LPCAT3: variants seen among roughly 807,000 people sequenced by gnomAD.
The protein encoded by LPCAT3 is lysophosphatidylcholine acyltransferase 3.
In LPCAT3, 21 loss-of-function variants were observed where a neutral mutation model predicts 63.4. The ratio of observed to expected loss-of-function variants is 0.33; its 90% confidence interval spans 0.23 to 0.48. The LOEUF is 0.48. LPCAT3 is among the 20% of genes least tolerant of loss of function. LPCAT3 has a pLI of 0.99. For synonymous variants in LPCAT3, 242 were observed against 227.5 expected, an observed-to-expected ratio of 1.06 and a Z score of -0.58; for missense variants, 451 against 590.6, an observed-to-expected ratio of 0.76 and a Z score of 2.45.
At chr12:6,982,479 G>A (rs944633741) in intron 3 of LPCAT3, among the ~76,000 whole-genome samples, 197 bp downstream of exon 3, 1 of 152,166 alleles carries the variant, frequency 6.6e-6, no homozygotes, top group Non-Finnish European at 1.5e-5. Flanking sequence ...CTTGAGGCAG[G>A]CAAAGAGTTA....
intron 1 of LPCAT3, among the ~76,000 whole-genome samples, chr12:7,013,074 T>C (rs1178125147): frequency 6.6e-6 from 1 of 152,226 alleles, no homozygotes; most frequent in Non-Finnish European, 1.5e-5. Flanking sequence ...GTGTAATATA[T>C]ACTTGGAAGG....
chr12:6,986,179 G>A (rs1242822940), intron 1 of LPCAT3, among the ~76,000 whole-genome samples: 1 of 152,028 alleles, frequency 6.6e-6, no homozygotes, highest in East Asian at 1.9e-4. Flanking sequence ...ATTTTGAACA[G>A]CAAGGGTCCC....
At chr12:6,978,780 CT>C (rs1210080293) in intron 7 of LPCAT3, 91 bp from the exon 8 acceptor site, 1 of 1,548,912 alleles carries the variant, frequency 6.5e-7, no homozygotes, top group East Asian at 2.3e-5. Flanking sequence ...TGGCTGGCTA[CT>C]TCATACCTGC....
At chr12:6,983,368 G>T in intron 2 of LPCAT3, 64 bp downstream of exon 2, 2 of 1,090,396 alleles carry the variant, frequency 1.8e-6, no homozygotes, top group Non-Finnish European at 2.8e-6. Flanking sequence ...AGGAAATTTT[G>T]TTCAAGTCTG....
chr12:7,007,473 G>A (rs1946733737), intron 1 of LPCAT3, among the ~76,000 whole-genome samples: 1 of 149,928 alleles, frequency 6.7e-6, no homozygotes, highest in Admixed American at 6.7e-5. Flanking sequence ...GTACTGACAA[G>A]CATCTTTAAT....
rs1411785263 is a variant in LPCAT3, at chr12:6,985,647, A to G, written c.152-2108T>C. 5.4e-3 allele frequency among the ~76,000 whole-genome samples: 817 copies of G among 150,674 alleles called. 8 individuals are homozygous for G. The highest frequency in any genetic ancestry group is 0.019 in the African/African-American group (767 of 41,030). On this transcript the variant is annotated intron_variant, in intron 1 of 12. Coordinates refer to ENST00000261407, the MANE Select transcript of LPCAT3 (RefSeq NM_005768.6). Reference sequence around the variant, plus strand: ...GGAGAATCACTTGAACCTGGGAGGCAGAGTTTGCAGTGAGCTGAGATCGTG... The same window carrying G: ...GGAGAATCACTTGAACCTGGGAGGCGGAGTTTGCAGTGAGCTGAGATCGTG...
intron 1 of LPCAT3, among the ~76,000 whole-genome samples, chr12:7,011,647 CAAAAAAAAAAAA>C (rs1177972639): frequency 6.1e-4 from 46 of 75,728 alleles, no homozygotes; most frequent in Middle Eastern, 5.9e-3. Flanking sequence ...CACCATGTCT[CAAAAAAAAAAAA>C]AAAAAAAAAG....
chr12:7,015,617 A>G (rs1302409185), intron 1 of LPCAT3, among the ~76,000 whole-genome samples: 2 of 152,240 alleles, frequency 1.3e-5, no homozygotes, highest in Non-Finnish European at 2.9e-5. Context: ...ATGATGAGCT[A>G]TACCTGATAG....
At chr12:7,007,783 C>T (rs962624440) in intron 1 of LPCAT3, among the ~76,000 whole-genome samples, 4 of 152,202 alleles carry the variant, frequency 2.6e-5, no homozygotes, top group African/African-American at 9.6e-5. Context: ...GCATGAGCCA[C>T]TGTGCCCGGC....
In LPCAT3 at chr12:6,990,901, A is replaced by G. The variant is rs1369133091; in HGVS notation, c.152-7362T>C. The stretch of plus-strand genomic sequence containing the variant: ...CACTGTGCTCCAGACTAGGCAACAG[A>G]GCGAGACTCCAAATCAAAAAAAAAA... On this transcript the variant is annotated intron_variant, in intron 1 of 12. Transcript: ENST00000261407. Among the ~76,000 whole-genome samples, 16 of 143,654 alleles carry G rather than the reference A, an allele frequency of 1.1e-4. 1 individual carries two copies. The highest frequency in any genetic ancestry group is 9.7e-4 in the Admixed American group (14 of 14,362). The allele number at this position is 143,654 out of a possible 152,430, so 94.2% of individuals were successfully genotyped here.
chr12:6,979,434 G>T, intron 7 of LPCAT3, 37 bp downstream of exon 7: 1 of 1,444,238 alleles, frequency 6.9e-7, no homozygotes, highest in Non-Finnish European at 9.7e-7. Flanking sequence ...TCTAGCTCTG[G>T]TGCAGTCATG....
At chr12:7,007,137 G>A (rs781791183) in intron 1 of LPCAT3, among the ~76,000 whole-genome samples, 399 of 151,240 alleles carry the variant, frequency 2.6e-3, no homozygotes, top group African/African-American at 9.2e-3. Context: ...TCTGCCTCCC[G>A]GGTTCAAGTG....
At chr12:6,985,269 G>A (rs1193949402) in intron 1 of LPCAT3, among the ~76,000 whole-genome samples, 2 of 151,866 alleles carry the variant, frequency 1.3e-5, no homozygotes, top group Admixed American at 6.6e-5. Flanking sequence ...GGTGGCGGGC[G>A]CCTATAGTCC....
At chr12:7,014,607 G>A (rs1185897502) in intron 1 of LPCAT3, among the ~76,000 whole-genome samples, 3 of 151,616 alleles carry the variant, frequency 2.0e-5, no homozygotes, top group Non-Finnish European at 4.4e-5. Context: ...CCTCGGCTGG[G>A]CGCGGTGGCT....
chr12:7,017,385 C>T lies in LPCAT3; in HGVS notation c.151+889G>A, dbSNP rs1347692436. Among the ~76,000 whole-genome samples, 10 of 152,232 alleles carry T rather than the reference C, an allele frequency of 6.6e-5. No homozygotes were observed. Among genetic ancestry groups the T allele is most frequent in the African/African-American group, 2.2e-4 (9 of 41,534 alleles). On this transcript the variant is annotated intron_variant, in intron 1 of 12. Coordinates refer to ENST00000261407, the MANE Select transcript of LPCAT3 (RefSeq NM_005768.6). The surrounding 1 kb of genome is among the most constrained non-coding windows in gnomAD (Gnocchi z 4.1). ...ATTTCATAGATAAGGAAATTAGGCC[C>T]AGAGGGTTTTGCGGCCTGCGTAGGG...
chr12:7,001,453 A>C, intron 1 of LPCAT3: 1 of 456,092 alleles, frequency 2.2e-6, no homozygotes, highest in South Asian at 1.5e-5. Flanking sequence ...CTACTGCCAG[A>C]ATTCTGCGGG....
rs946553633 is a variant in LPCAT3, at chr12:6,987,066, T to G, written c.152-3527A>C. Among the ~76,000 whole-genome samples, 1 of 151,436 alleles carries G rather than the reference T, an allele frequency of 6.6e-6. No homozygotes were observed. Among genetic ancestry groups the G allele is most frequent in the African/African-American group, 2.4e-5 (1 of 41,070 alleles). ...AGGCGGAGGTGGCAGTGAGCTGAGA[T>G]CACGCCATTGCACTCCAGCTTGGGC... On this transcript the variant is annotated intron_variant, in intron 1 of 12. Transcript: ENST00000261407. This position sits in a 1 kb window ranked among gnomAD's most constrained non-coding sequence, Gnocchi z 4.1.
At chr12:7,001,357 G>A (rs1946686021) in intron 1 of LPCAT3, 1 of 445,926 alleles carries the variant, frequency 2.2e-6, no homozygotes, top group South Asian at 1.6e-5. Flanking sequence ...GATTGTATAA[G>A]CTTCAGATCC....
At position 6,977,886 on chromosome 12, in the gene LPCAT3, G is replaced by A. The variant is rs781979739; in HGVS notation, c.1041-141C>T. The A allele has an allele frequency of 4.4e-5, 41 of 940,962 alleles. No individual in the cohort carries two copies. The highest frequency in any genetic ancestry group is 2.2e-4 in the South Asian group (14 of 63,274). The allele number at this position is 940,962 out of a possible 1,614,324, so 58.3% of individuals were successfully genotyped here. On this transcript the variant is annotated intron_variant, in intron 9 of 12. Coordinates refer to ENST00000261407, the MANE Select transcript of LPCAT3 (RefSeq NM_005768.6). This position sits in a 1 kb window ranked among gnomAD's most constrained non-coding sequence, Gnocchi z 4.5. ...TAGCCCCCAGAGGGTACAGGAGGCA[G>A]TGCTGACTGATTACTTTTAGAGATG...
Sources: gnomAD v4.1 joint callset for allele counts (sites outside exome capture counted in the v4.1 genomes callset) on GRCh38, gnomAD v4.1.1 for gene constraint, Gnocchi (gnomAD v3.1) non-coding constraint, MANE v1.5 for transcripts, NCBI Gene and HGNC (gene_info 2026-07-23, HGNC 2026-07-21) for gene names.